ERBB4: variants seen among roughly 807,000 people sequenced by gnomAD.
ERBB4 encodes receptor tyrosine-protein kinase erbB-4.
ERBB4 carries 42 observed loss-of-function variants against 158.0 expected under a neutral mutation model. That is an observed-to-expected ratio of 0.27 (90% CI 0.21 to 0.34). The LOEUF is 0.34. Ranked by LOEUF, ERBB4 falls within the 10% of genes least tolerant of loss-of-function variation. ERBB4 has a pLI of 1.00. For missense variants in ERBB4, 1,333 were observed against 1,624.1 expected, an observed-to-expected ratio of 0.82 and a Z score of 3.08; for synonymous variants, 583 against 558.7, an observed-to-expected ratio of 1.04 and a Z score of -0.61.
intron 1 of ERBB4, among the ~76,000 whole-genome samples, chr2:212,310,609 ATGTGTGTGTGTGTGTGTG>A (rs56209146): frequency 7.0e-6 from 1 of 143,388 alleles, no homozygotes; most frequent in Non-Finnish European, 1.5e-5. Flanking sequence ...ATATATGTAT[ATGTGTGTGTGTGTGTGTG>A]TGTGTGTGTG....
intron 1 of ERBB4, among the ~76,000 whole-genome samples, chr2:212,167,397 C>T (rs2125662655): frequency 6.6e-6 from 1 of 151,896 alleles, no homozygotes; most frequent in Non-Finnish European, 1.5e-5. Context: ...AGATAATATC[C>T]CATGCCACTC....
chr2:212,094,685 C>T (rs780036806), intron 2 of ERBB4, among the ~76,000 whole-genome samples: 40 of 152,128 alleles, frequency 2.6e-4, no homozygotes, highest in Non-Finnish European at 5.3e-4. Context: ...TTCCTGAGGC[C>T]TCATCAGAAG....
At chr2:211,717,193 T>C (rs2073946698) in intron 7 of ERBB4, among the ~76,000 whole-genome samples, 1 of 152,150 alleles carries the variant, frequency 6.6e-6, no homozygotes. Flanking sequence ...GATTAGGTAG[T>C]AGTATAATGC....
chr2:211,788,636 C>T (rs1414278480), intron 3 of ERBB4, among the ~76,000 whole-genome samples: 1 of 152,070 alleles, frequency 6.6e-6, no homozygotes, highest in Admixed American at 6.6e-5. Context: ...ATTTATCTCT[C>T]ATTGGTCTTT....
At chr2:211,990,724 C>T (rs1363119261) in intron 2 of ERBB4, among the ~76,000 whole-genome samples, 2 of 151,662 alleles carry the variant, frequency 1.3e-5, no homozygotes, top group African/African-American at 2.4e-5. Context: ...CTGGAACATG[C>T]AAATGGTATC....
At chr2:211,787,425 TAC>T (rs2076190294) in intron 4 of ERBB4, among the ~76,000 whole-genome samples, 1 of 152,184 alleles carries the variant, frequency 6.6e-6, no homozygotes, top group African/African-American at 2.4e-5. Flanking sequence ...GTAGAAAGAA[TAC>T]ACATTTTAAG....
At chr2:212,391,636 A>G (rs926892807) in intron 1 of ERBB4, among the ~76,000 whole-genome samples, 95 of 130,222 alleles carry the variant, frequency 7.3e-4, no homozygotes, top group African/African-American at 2.8e-3. Context: ...TATTATATTG[A>G]CATATAATAT....
At chr2:212,360,701 G>C (rs28623294) in intron 1 of ERBB4, among the ~76,000 whole-genome samples, 47,858 of 151,466 alleles carry the variant, frequency 0.32, 10,238 homozygotes, top group African/African-American at 0.62. Flanking sequence ...AAAGCATGGT[G>C]ACTTTCAGTG....
intron 1 of ERBB4, among the ~76,000 whole-genome samples, chr2:212,248,629 G>T (rs759644106): frequency 8.6e-5 from 13 of 151,978 alleles, no homozygotes; most frequent in African/African-American, 2.9e-4. Flanking sequence ...AATTTAATCC[G>T]CCACGTTAAG....
intron 13 of ERBB4, among the ~76,000 whole-genome samples, chr2:211,674,305 T>G (rs888708841): frequency 6.6e-6 from 1 of 152,148 alleles, no homozygotes. Flanking sequence ...AAGTGATACA[T>G]TAAAATATAT....
chr2:211,612,501 A>G (rs1023297685), intron 19 of ERBB4, among the ~76,000 whole-genome samples: 1 of 152,044 alleles, frequency 6.6e-6, no homozygotes, highest in Non-Finnish European at 1.5e-5. Flanking sequence ...GAGAAAGCAC[A>G]CTTAAGCTGA....
At chr2:212,233,391 T>C (rs529482790) in intron 1 of ERBB4, among the ~76,000 whole-genome samples, 1 of 152,188 alleles carries the variant, frequency 6.6e-6, no homozygotes, top group Non-Finnish European at 1.5e-5. Context: ...ATAACACTTA[T>C]AAAGCTCATT....
intron 16 of ERBB4, among the ~76,000 whole-genome samples, chr2:211,653,452 A>C (rs964064865): frequency 1.3e-5 from 2 of 150,020 alleles, no homozygotes; most frequent in Non-Finnish European, 3.0e-5. Flanking sequence ...TTTCATTTAA[A>C]TCTTCCCCCC....
chr2:212,259,192 CT>C (rs1488491100), intron 1 of ERBB4, among the ~76,000 whole-genome samples: 1 of 152,034 alleles, frequency 6.6e-6, no homozygotes, highest in Non-Finnish European at 1.5e-5. Context: ...AGTATTTGTC[CT>C]TTTCTTTGAA....
chr2:212,341,746 C>T (rs1466159917), intron 1 of ERBB4, among the ~76,000 whole-genome samples: 1 of 152,060 alleles, frequency 6.6e-6, no homozygotes, highest in Non-Finnish European at 1.5e-5. Context: ...AGAAATCAAA[C>T]TGGTAAGAAT....
At chr2:212,299,768 G>C (rs190383406) in intron 1 of ERBB4, among the ~76,000 whole-genome samples, 7 of 151,724 alleles carry the variant, frequency 4.6e-5, no homozygotes, top group African/African-American at 1.2e-4. Context: ...GCAGTCTGTT[G>C]TTTGAAAAAG....
At chr2:211,570,808 C>T (rs1000032821) in intron 19 of ERBB4, among the ~76,000 whole-genome samples, 1 of 152,122 alleles carries the variant, frequency 6.6e-6, no homozygotes, top group Non-Finnish European at 1.5e-5. Context: ...TCCTTTGTGC[C>T]TTTGAGATCC....
At chr2:212,431,326 A>AAAAAAAAC (rs1434623710) in intron 1 of ERBB4, among the ~76,000 whole-genome samples, 4 of 151,416 alleles carry the variant, frequency 2.6e-5, no homozygotes, top group South Asian at 2.1e-4. Context: ...AAAAAAAAAA[A>AAAAAAAAC]AAAACCTTCG....
At chr2:212,352,258 C>A (rs2089284111) in intron 1 of ERBB4, among the ~76,000 whole-genome samples, 1 of 150,278 alleles carries the variant, frequency 6.7e-6, no homozygotes, top group South Asian at 2.1e-4. Context: ...TGTACATCAA[C>A]ATCCCAGGAT....
Sources: gnomAD v4.1 joint callset for allele counts (sites outside exome capture counted in the v4.1 genomes callset) on GRCh38, gnomAD v4.1.1 for gene constraint, MANE v1.5 for transcripts, NCBI Gene and HGNC (gene_info 2026-07-23, HGNC 2026-07-21) for gene names.